LARP6: variants seen among roughly 807,000 people sequenced by gnomAD.
LARP6 encodes the protein La ribonucleoprotein 6, translational regulator.
In LARP6, 18 loss-of-function variants were observed where a neutral mutation model predicts 32.8. The ratio of observed to expected loss-of-function variants is 0.55; its 90% confidence interval spans 0.38 to 0.81. LARP6 has a LOEUF of 0.81. Ranked by LOEUF, LARP6 falls within the 40% of genes least tolerant of loss-of-function variation. The pLI is 0.00. For synonymous variants in LARP6, 289 were observed against 267.2 expected (o/e 1.08, Z -0.80); for missense variants, 598 against 663.1 (o/e 0.90, Z 1.08).
In LARP6 at chr15:70,831,598, C is replaced by T. The variant is rs1162671519; in HGVS notation, c.*454G>A. The stretch of plus-strand genomic sequence containing the variant: ...CTTGACAGGTAACATCGATTTGGTC[C>T]TACAAGACACCATGCTATAGGCTTA... On this transcript the variant is annotated 3_prime_UTR_variant, in exon 3 of 3. Transcript: ENST00000299213. The T allele has an allele frequency of 6.6e-6, 1 of 152,542 alleles. No homozygotes were observed. Among genetic ancestry groups the T allele is most frequent in the Non-Finnish European group, 1.5e-5 (1 of 68,362 alleles). The allele number at this position is 152,542 out of a possible 1,614,324, so 9.4% of individuals were successfully genotyped here.
In LARP6 at chr15:70,832,915, TC is replaced by T; in HGVS notation, c.612del (p.Lys205ArgfsTer9). 6.2e-7 allele frequency: 1 copy of T among 1,602,798 alleles called. No homozygotes were observed. The highest frequency in any genetic ancestry group is 1.1e-5 in the South Asian group (1 of 88,992). On this transcript the variant is annotated frameshift_variant, in exon 3 of 3. Transcript: ENST00000299213. LOFTEE classifies it high-confidence loss of function. ...SPKLWALATP[Q>X]KNGRVQEKVM... ...ACCTTCTCTTGCACCCTTCCATTCT[TC>T]TGGGGGGTGGCCAGAGCCCACAGCT...
chr15:70,843,664 T>C (rs1476336934), intron 1 of LARP6, among the ~76,000 whole-genome samples: 1 of 142,176 alleles, frequency 7.0e-6, no homozygotes, highest in African/African-American at 2.6e-5. Context: ...TTTTTTTTTT[T>C]TTTTTTTTTG....
chr15:70,840,119 G>T (rs980401152), intron 1 of LARP6, among the ~76,000 whole-genome samples: 2 of 152,148 alleles, frequency 1.3e-5, no homozygotes, highest in African/African-American at 4.8e-5. Flanking sequence ...GGAGAAAAGA[G>T]GTCCTCAAAA....
At position 70,854,050 on chromosome 15, in the gene LARP6, C is replaced by T; in HGVS notation, c.39G>A (p.Lys13=). 7.0e-7 allele frequency: 1 copy of T among 1,426,436 alleles called. No homozygotes were observed. The highest frequency in any genetic ancestry group is 9.2e-7 in the Non-Finnish European group (1 of 1,082,220). 88.4% of individuals were successfully genotyped at this position (1,426,436 alleles called of 1,614,324 possible). ...QSGGEARPGP[K]TAVQIRVAIQ... is the part of the protein sequence containing the mutation. ...TGGCGACGCGGATCTGCACCGCCGT[C>T]TTGGGCCCGGGCCGAGCCTCCCCGC... The change falls in exon 1 of 3, where the codon AAG becomes AAA. Residue 13 remains lysine, a synonymous_variant. Transcript: ENST00000299213.
At position 70,832,910 on chromosome 15, in the gene LARP6, A is replaced by G. The variant is rs758507869; in HGVS notation, c.618T>C (p.Asn206=). The change falls in exon 3 of 3, where the codon AAT becomes AAC. Residue 206 remains asparagine (N), a synonymous_variant. Coordinates refer to ENST00000299213, the MANE Select transcript of LARP6 (RefSeq NM_018357.4). ...CCATCACCTTCTCTTGCACCCTTCC[A>G]TTCTTCTGGGGGGTGGCCAGAGCCC... ...KLWALATPQK[N]GRVQEKVMEH... is the part of the protein sequence containing the mutation. The G allele has an allele frequency of 6.2e-7, 1 of 1,603,316 alleles. No individual in the cohort carries two copies. Among genetic ancestry groups the G allele is most frequent in the Non-Finnish European group, 8.5e-7 (1 of 1,175,352 alleles).
intron 1 of LARP6, among the ~76,000 whole-genome samples, chr15:70,840,700 C>T (rs2032237809): frequency 6.6e-6 from 1 of 152,082 alleles, no homozygotes; most frequent in African/African-American, 2.4e-5. Context: ...GAGTTTTGAG[C>T]AGACTCAGGG....
chr15:70,841,574 T>C (rs2032259853), intron 1 of LARP6, among the ~76,000 whole-genome samples: 1 of 152,134 alleles, frequency 6.6e-6, no homozygotes, highest in Admixed American at 6.5e-5. Flanking sequence ...GATTGAATCA[T>C]GGGGTCGTTT....
At position 70,851,479 on chromosome 15, in the gene LARP6, T is replaced by C. The variant is rs927879124; in HGVS notation, c.200+2410A>G. On this transcript the variant is annotated intron_variant, in intron 1 of 2. Coordinates refer to ENST00000299213, the MANE Select transcript of LARP6 (RefSeq NM_018357.4). Reference sequence around the variant, plus strand: ...ATTGTTCATTTATTCTGTTCCCTTATATAAGCTAGGTATTAGGCTAGGTAT... The same window carrying C: ...ATTGTTCATTTATTCTGTTCCCTTACATAAGCTAGGTATTAGGCTAGGTAT... The C allele has an allele frequency of 5.1e-6, 7 of 1,364,690 alleles. No homozygotes were observed. The African/African-American group carries it at 8.7e-5, about 17-fold the overall frequency. The allele number at this position is 1,364,690 out of a possible 1,614,324, so 84.5% of individuals were successfully genotyped here. A position where few individuals can be genotyped will look rare whatever the true frequency, so the allele number is the denominator to read the frequency against.
intron 1 of LARP6, chr15:70,851,841 G>C (rs1050722684): frequency 6.6e-7 from 1 of 1,521,220 alleles, no homozygotes; most frequent in African/African-American, 1.4e-5. Flanking sequence ...GGGATTGGGG[G>C]TGGTGGAGAA....
intron 1 of LARP6, among the ~76,000 whole-genome samples, chr15:70,847,255 C>T (rs190532307): frequency 6.6e-6 from 1 of 151,964 alleles, no homozygotes; most frequent in African/African-American, 2.4e-5. Flanking sequence ...TTTAACAAAA[C>T]ATTGTAAACT....
rs1360218902 is a variant in LARP6 at position 70,830,179 on chromosome 15, A to G, written c.*1873T>C. ...CAGAACATTGCTGGAGGCATTTGCC[A>G]GTTAACACGAACTCTTCTGCATCTT... is the stretch of plus-strand genomic sequence containing the variant. On this transcript the variant is annotated 3_prime_UTR_variant, in exon 3 of 3. Transcript: ENST00000299213. 1.3e-5 allele frequency: 2 copies of G among 152,298 alleles called. No individual in the cohort carries two copies. The highest frequency in any genetic ancestry group is 6.5e-5 in the Admixed American group (1 of 15,286). The allele number at this position is 152,298 out of a possible 1,614,324, so 9.4% of individuals were successfully genotyped here.
At chr15:70,839,822 G>T (rs1433341356) in intron 1 of LARP6, among the ~76,000 whole-genome samples, 2 of 152,146 alleles carry the variant, frequency 1.3e-5, no homozygotes, top group Non-Finnish European at 2.9e-5. Context: ...AAAATCTCTT[G>T]GCCCTGTCCC....
intron 1 of LARP6, among the ~76,000 whole-genome samples, chr15:70,850,494 C>T (rs2141059319): frequency 6.6e-6 from 1 of 152,296 alleles, no homozygotes; most frequent in East Asian, 1.9e-4. Flanking sequence ...GGATCATTCA[C>T]CAAGATCAAG....
chr15:70,850,818 A>G (rs2032434601), intron 1 of LARP6, among the ~76,000 whole-genome samples: 1 of 151,810 alleles, frequency 6.6e-6, no homozygotes, highest in African/African-American at 2.4e-5. Context: ...GGTACAAAGG[A>G]GCAAGTAAAA....
Position 70,836,440 on chromosome 15 carries a change from T to G in LARP6, c.266A>C (p.Asp89Ala). ...CACCAGTTTCTTGATCAACTCCTCA[T>G]CCGGGGGCTTCCACTCCTGCTCCAG... The part of the protein sequence containing the change: ...EDLEQEWKPP[D>A]EELIKKLVDQ... Residue 89 changes from aspartate (D) to alanine (A), a missense_variant, in exon 2 of 3, where the codon GAT (aspartate) becomes GCT (alanine). Around this residue, in one of 3 missense-constraint regions of LARP6, gnomAD observed 161 missense variants for 148.6 expected, o/e 1.08. Transcript: ENST00000299213. The G allele has an allele frequency of 6.2e-7, 1 of 1,614,176 alleles. No homozygotes were observed. Among genetic ancestry groups the G allele is most frequent in the Non-Finnish European group, 8.5e-7 (1 of 1,180,036 alleles).
intron 1 of LARP6, among the ~76,000 whole-genome samples, chr15:70,841,095 A>G (rs2032248613): frequency 6.6e-6 from 1 of 150,956 alleles, no homozygotes; most frequent in African/African-American, 2.4e-5. Context: ...TTGTATTTTT[A>G]GTAGATACAG....
intron 1 of LARP6, among the ~76,000 whole-genome samples, chr15:70,850,680 G>T (rs1325931361): frequency 6.6e-6 from 1 of 152,200 alleles, no homozygotes. Context: ...CATCACTAAG[G>T]GTGGGATGGC....
chr15:70,840,104 T>C (rs1016434362), intron 1 of LARP6, among the ~76,000 whole-genome samples: 10 of 152,164 alleles, frequency 6.6e-5, no homozygotes, highest in South Asian at 6.2e-4. Flanking sequence ...GCAGCAACAC[T>C]ACATGGAGAA....
At chr15:70,852,093 A>G in intron 1 of LARP6, 1 of 351,016 alleles carries the variant, frequency 2.8e-6, no homozygotes, top group South Asian at 2.2e-5. Flanking sequence ...AGGCTCCAGG[A>G]GCTGAGAACA....
Sources: gnomAD v4.1 joint callset for allele counts (sites outside exome capture counted in the v4.1 genomes callset) on GRCh38, gnomAD v4.1.1 for gene constraint, gnomAD v4.1.1 regional missense constraint, MANE v1.5 for transcripts, NCBI Gene and HGNC (gene_info 2026-07-23, HGNC 2026-07-21) for gene names.